The following DMKN variants were observed in gnomAD, a reference collection of about 807,000 sequenced individuals.
The protein encoded by DMKN is epidermis-specific secreted protein SK30/SK89.
DMKN carries 58 observed loss-of-function variants against 67.6 expected under a neutral mutation model. That is an observed-to-expected ratio of 0.86 (90% CI 0.69 to 1.07). The LOEUF (loss-of-function observed/expected upper bound fraction) is 1.07. DMKN is among the 50% of genes least tolerant of loss of function. The pLI is 0.00. For missense variants in DMKN, 596 were observed against 601.5 expected (o/e 0.99, Z 0.10); for synonymous variants, 240 against 232.3 (o/e 1.03, Z -0.30).
At chr19:35,503,786 T>A (rs941915652) in intron 9 of DMKN, among the ~76,000 whole-genome samples, 4 of 152,020 alleles carry the variant, frequency 2.6e-5, no homozygotes, top group African/African-American at 9.6e-5. Flanking sequence ...AGAAATAGGT[T>A]CTAAGAGAGA....
chr19:35,501,831 G>T, intron 11 of DMKN: 1 of 1,573,276 alleles, frequency 6.4e-7, no homozygotes, highest in African/African-American at 1.3e-5. Context: ...ACCCAGCCGT[G>T]GCTCCCCTGG....
At chr19:35,510,485 G>A in intron 5 of DMKN, 1 of 1,551,024 alleles carries the variant, frequency 6.4e-7, no homozygotes, top group Non-Finnish European at 8.7e-7. Flanking sequence ...TGGAGAACCT[G>A]AGCTGCTGCC....
In DMKN at chr19:35,508,321, T is replaced by C. The variant is rs1056516754; in HGVS notation, c.1038+1590A>G. The C allele has an allele frequency of 2.0e-6, 3 of 1,503,354 alleles. No individual in the cohort carries two copies. The African/African-American group carries it at 4.2e-5, about 21-fold the overall frequency. The allele number at this position is 1,503,354 out of a possible 1,614,324, so 93.1% of individuals were successfully genotyped here. A position where few individuals can be genotyped will look rare whatever the true frequency, so the allele number is the denominator to read the frequency against. ...CGAAAATTAATGTATTGATTTAATA[T>C]GATTCCTCTAAGAATCCTAATGGCA... On this transcript the variant is annotated intron_variant, in intron 7 of 15. Coordinates refer to ENST00000339686, the MANE Select transcript of DMKN (RefSeq NM_033317.5).
intron 8 of DMKN, 54 bp downstream of exon 8, chr19:35,505,883 AGG>A: frequency 6.2e-7 from 1 of 1,613,906 alleles, no homozygotes; most frequent in Non-Finnish European, 8.5e-7. Flanking sequence ...TGTGGGGCCA[AGG>A]GCAGGGGTTG....
chr19:35,507,609 C>T lies in DMKN; in HGVS notation c.1039-1623G>A, dbSNP rs377070167. On this transcript the variant is annotated intron_variant, in intron 7 of 15. Transcript: ENST00000339686. ...GGGTGTCGGCGAGGGATTCCTGAATCGGGGGACTGAGACATGAGCATGACA... is the reference window on the plus strand; with the variant it reads ...GGGTGTCGGCGAGGGATTCCTGAATTGGGGGACTGAGACATGAGCATGACA... 116 of 1,027,470 alleles carry T rather than the reference C, an allele frequency of 1.1e-4. 2 individuals are homozygous for T. In the African/African-American group the frequency reaches 1.3e-3, roughly 12 times the overall value. The allele number at this position is 1,027,470 out of a possible 1,614,324, so 63.6% of individuals were successfully genotyped here.
rs2146175550 is a variant in DMKN, at chr19:35,509,937, G to T, written c.1012C>A (p.Arg338Ser). 1 of 1,614,158 alleles carries T rather than the reference G, an allele frequency of 6.2e-7. No homozygotes were observed. The highest frequency in any genetic ancestry group is 8.5e-7 in the Non-Finnish European group (1 of 1,180,024). The change falls in exon 7 of 16, where the codon CGC becomes AGC. Residue 338 changes from arginine (R) to serine (S), a missense_variant. Arg to Ser is a moderately radical substitution (Grantham distance 110, BLOSUM62 -1). Transcript: ENST00000339686. ...PGCEKPGNEARGSGESGIQNS... is the reference protein window; with the variant it reads ...PGCEKPGNEASGSGESGIQNS... The stretch of plus-strand genomic sequence containing the variant: ...TGAATCCCAGATTCCCCGCTCCCGC[G>T]GGCTTCATTCCCTGGCTTTTCACAC...
At chr19:35,508,172 C>A in intron 7 of DMKN, 1 of 1,551,898 alleles carries the variant, frequency 6.4e-7, no homozygotes, top group Non-Finnish European at 8.7e-7. Flanking sequence ...ACTACCGGCA[C>A]AGTCTCTGAC....
intron 1 of DMKN, 128 bp downstream of exon 1, chr19:35,512,922 A>G: frequency 6.6e-7 from 1 of 1,510,970 alleles, no homozygotes; most frequent in South Asian, 1.3e-5. Context: ...GGGGGGCAGA[A>G]CATAGAAGGA....
rs1009004 is a variant in DMKN, at chr19:35,507,000, G to T, written c.1039-1014C>A. ...TTTCTTTTTAAAAAGTAGAGACAGG[G>T]TCTTCCTACGTTGCTCAGGCTGGTC... On this transcript the variant is annotated intron_variant, in intron 7 of 15. Transcript: ENST00000339686. The T allele has an allele frequency of 3.2e-3, 554 of 174,778 alleles. 3 individuals are homozygous for T. Among genetic ancestry groups the T allele is most frequent in the African/African-American group, 0.013 (540 of 41,788 alleles). 10.8% of individuals were successfully genotyped at this position (174,778 alleles called of 1,614,324 possible).
Position 35,513,538 on chromosome 19 carries a change from C to G in DMKN, c.-63G>C. 3 of 1,531,324 alleles carry G rather than the reference C, an allele frequency of 2.0e-6. No individual in the cohort carries two copies. Among genetic ancestry groups the G allele is most frequent in the Non-Finnish European group, 2.6e-6 (3 of 1,150,304 alleles). The allele number at this position is 1,531,324 out of a possible 1,614,324, so 94.9% of individuals were successfully genotyped here. ...CCCACCAGGGTCTCCTCCTTGCCGC[C>G]CTTGCTCTGCGTCTCTGTGCCCTCC... On this transcript the variant is annotated 5_prime_UTR_variant, in exon 1 of 16. Transcript: ENST00000339686.
chr19:35,513,295 CT>C lies in DMKN; in HGVS notation c.180del (p.Ala62GlnfsTer30). The part of the protein sequence containing the change: ...GVGKAIGKEA[G>X]GAAGSKVSEA... ...TCACTGACTTTAGAGCCAGCTGCCC[CT>C]CCGGCCTCTTTGCCAATGGCCTTTC... On this transcript the variant is annotated frameshift_variant, in exon 1 of 16. Coordinates refer to ENST00000339686, the MANE Select transcript of DMKN (RefSeq NM_033317.5). LOFTEE classifies it high-confidence loss of function. 1 of 1,613,966 alleles carries C rather than the reference CT, an allele frequency of 6.2e-7. No individual in the cohort carries two copies. The highest frequency in any genetic ancestry group is 1.1e-5 in the South Asian group (1 of 91,050).
intron 7 of DMKN, chr19:35,506,497 C>T (rs1390330124): frequency 1.9e-6 from 1 of 538,760 alleles, no homozygotes; most frequent in South Asian, 1.5e-5. Context: ...CCACGGCACG[C>T]CAAGCACCAT....
Position 35,498,865 on chromosome 19 carries a change from C to G in DMKN, c.1383+9G>C. 1 of 1,614,188 alleles carries G rather than the reference C, an allele frequency of 6.2e-7. No homozygotes were observed. The highest frequency in any genetic ancestry group is 8.5e-7 in the Non-Finnish European group (1 of 1,180,040). On this transcript the variant is annotated intron_variant, in intron 14 of 15. Coordinates refer to ENST00000339686, the MANE Select transcript of DMKN (RefSeq NM_033317.5). Reference sequence around the variant, plus strand: ...TCCAGCCAGATGAAGATCAGGCCCCCATACTCACCGAGGAAGAAGGTGAGA... The same window carrying G: ...TCCAGCCAGATGAAGATCAGGCCCCGATACTCACCGAGGAAGAAGGTGAGA...
intron 9 of DMKN, among the ~76,000 whole-genome samples, chr19:35,504,002 T>C (rs941967919): frequency 1.3e-5 from 2 of 152,124 alleles, no homozygotes; most frequent in African/African-American, 4.8e-5. Context: ...GCTGAAGTCC[T>C]CAGCTCCCTC....
At chr19:35,508,209 A>T in intron 7 of DMKN, 1 of 1,552,050 alleles carries the variant, frequency 6.4e-7, no homozygotes, top group Non-Finnish European at 8.7e-7. Context: ...TCTTACCCTC[A>T]TGTTGCTGGA....
chr19:35,505,108 T>C (rs1488016419), intron 9 of DMKN, among the ~76,000 whole-genome samples: 2 of 151,678 alleles, frequency 1.3e-5, no homozygotes. Context: ...TCTGCATGGG[T>C]TGTCCACCTG....
rs1215431164 is a variant in DMKN at position 35,512,656 on chromosome 19, A to T, written c.561T>A (p.Asn187Lys). ...PGNSAGSFGM[N>K]PQGAPWGQGG... ...CTTGACCCCAGGGAGCTCCCTGAGG[A>T]TTCATTCCAAAGCTGCCTGCTGAGT... Residue 187 changes from asparagine (N) to lysine (K), a missense_variant, in exon 2 of 16, where the codon AAT (asparagine) becomes AAA (lysine). Coordinates refer to ENST00000339686, the MANE Select transcript of DMKN (RefSeq NM_033317.5). The T allele has an allele frequency of 6.2e-7, 1 of 1,614,100 alleles. No individual in the cohort carries two copies. Among genetic ancestry groups the T allele is most frequent in the Non-Finnish European group, 8.5e-7 (1 of 1,180,008 alleles).
At chr19:35,510,455 T>C in intron 5 of DMKN, 1 of 1,552,012 alleles carries the variant, frequency 6.4e-7, no homozygotes, top group South Asian at 1.2e-5. Flanking sequence ...GCCGAGGGTA[T>C]TCGGAACTAC....
chr19:35,505,478 C>T (rs2293700), intron 9 of DMKN, among the ~76,000 whole-genome samples: 56,220 of 151,882 alleles, frequency 0.37, 11,470 homozygotes, highest in East Asian at 0.58. Context: ...GGTCTATATG[C>T]TGAAACAGCA....
Sources: gnomAD v4.1 joint callset for allele counts (sites outside exome capture counted in the v4.1 genomes callset) on GRCh38, gnomAD v4.1.1 for gene constraint, MANE v1.5 for transcripts, NCBI Gene and HGNC (gene_info 2026-07-23, HGNC 2026-07-21) for gene names.